The following PLCL1 variants were observed in gnomAD, a reference collection of about 807,000 sequenced individuals.
The protein encoded by PLCL1 is inactive phospholipase C-like protein 1.
A neutral mutation model predicts 84.4 loss-of-function variants in PLCL1; 41 were observed. That is an observed-to-expected ratio of 0.49 (90% CI 0.38 to 0.63). The LOEUF (loss-of-function observed/expected upper bound fraction) is 0.63, where lower values mean the gene tolerates loss of function less well. PLCL1 is among the 30% of genes least tolerant of loss of function. The pLI is 0.00. For synonymous variants in PLCL1, 490 were observed against 488.3 expected, an observed-to-expected ratio of 1.00 and a Z score of -0.05; for missense variants, 1,206 against 1,367.8, an observed-to-expected ratio of 0.88 and a Z score of 1.87.
At chr2:197,848,911 A>G (rs1486507790) in intron 1 of PLCL1, among the ~76,000 whole-genome samples, 1 of 152,132 alleles carries the variant, frequency 6.6e-6, no homozygotes, top group Non-Finnish European at 1.5e-5. Context: ...CTTTAACTAG[A>G]GGGAATGGAC....
At chr2:197,828,252 G>A (rs1221109497) in intron 1 of PLCL1, among the ~76,000 whole-genome samples, 1 of 152,020 alleles carries the variant, frequency 6.6e-6, no homozygotes, top group African/African-American at 2.4e-5. Context: ...TGGTTCACGG[G>A]ATAACTGTTG....
intron 1 of PLCL1, among the ~76,000 whole-genome samples, chr2:197,988,536 T>C (rs748209415): frequency 6.6e-6 from 1 of 152,212 alleles, no homozygotes; most frequent in Non-Finnish European, 1.5e-5. Context: ...TCCAAGTTGC[T>C]GCAAAAGATG....
intron 1 of PLCL1, among the ~76,000 whole-genome samples, chr2:198,007,048 T>C (rs1690745009): frequency 1.3e-5 from 2 of 152,144 alleles, no homozygotes; most frequent in East Asian, 1.9e-4. Flanking sequence ...AGAAACAGAT[T>C]CATGAAAATA....
intron 1 of PLCL1, among the ~76,000 whole-genome samples, chr2:197,957,264 G>A (rs58224025): frequency 0.72 from 109,314 of 151,900 alleles, 40,251 homozygotes; most frequent in African/African-American, 0.87. Context: ...TTTCTTGTGT[G>A]TAAGTTCTTT....
intron 1 of PLCL1, among the ~76,000 whole-genome samples, chr2:197,813,627 T>A (rs893730909): frequency 2.0e-5 from 3 of 152,128 alleles, no homozygotes; most frequent in Non-Finnish European, 4.4e-5. Flanking sequence ...TAATAGCAAA[T>A]ACTAATATAA....
chr2:197,929,023 T>G (rs1346186530), intron 1 of PLCL1, among the ~76,000 whole-genome samples: 1 of 152,214 alleles, frequency 6.6e-6, no homozygotes, highest in Admixed American at 6.6e-5. Context: ...CATTTTAGCA[T>G]TGGCATGTGT....
chr2:197,830,664 A>G lies in PLCL1; in HGVS notation c.240+25325A>G, dbSNP rs185997407. On this transcript the variant is annotated intron_variant, in intron 1 of 5. Coordinates refer to ENST00000428675, the MANE Select transcript of PLCL1 (RefSeq NM_006226.4). ...AGGCCAACATTCAAATTCATGAAAT[A>G]CAGAGAATACCACAAAGATACACCT... 2.6e-5 allele frequency among the ~76,000 whole-genome samples: 4 copies of G among 152,282 alleles called. No individual in the cohort carries two copies. The East Asian group carries it at 7.7e-4, about 29-fold the overall frequency.
At chr2:198,012,425 C>A (rs768440225) in intron 1 of PLCL1, among the ~76,000 whole-genome samples, 22 of 152,212 alleles carry the variant, frequency 1.4e-4, no homozygotes, top group Non-Finnish European at 2.6e-4. Flanking sequence ...TCAAGGCCAT[C>A]TTGGAATTCG....
At chr2:198,042,933 A>C (rs1313026690) in intron 1 of PLCL1, among the ~76,000 whole-genome samples, 1 of 152,192 alleles carries the variant, frequency 6.6e-6, no homozygotes, top group Admixed American at 6.5e-5. Flanking sequence ...AATGATCTAG[A>C]GAGATCAAGA....
intron 1 of PLCL1, among the ~76,000 whole-genome samples, chr2:197,941,000 T>C (rs1455829362): frequency 6.6e-6 from 1 of 152,138 alleles, no homozygotes; most frequent in East Asian, 1.9e-4. Context: ...TACTTGCTGA[T>C]ATGCTTTTTA....
At chr2:198,125,435 A>G (rs762903113) in intron 5 of PLCL1, among the ~76,000 whole-genome samples, 1 of 152,166 alleles carries the variant, frequency 6.6e-6, no homozygotes, top group Non-Finnish European at 1.5e-5. Flanking sequence ...TGGTTTACAG[A>G]TATGAGGAGT....
Position 197,850,043 on chromosome 2 carries a change from C to G in PLCL1, c.240+44704C>G, listed in dbSNP as rs865845573. ...ACAGACACACACAGACACACACACA[C>G]ACACACACACACACACACACACACA... On this transcript the variant is annotated intron_variant, in intron 1 of 5. Coordinates refer to ENST00000428675, the MANE Select transcript of PLCL1 (RefSeq NM_006226.4). Among the ~76,000 whole-genome samples, 413 of 132,420 alleles carry G rather than the reference C, an allele frequency of 3.1e-3. 3 individuals carry two copies. Among genetic ancestry groups the G allele is most frequent in the Non-Finnish European group, 7.4e-4 (48 of 65,118 alleles). 86.9% of individuals were successfully genotyped at this position (132,420 alleles called of 152,430 possible). A position where few individuals can be genotyped will look rare whatever the true frequency, so the allele number is the denominator to read the frequency against.
At chr2:197,863,736 G>A (rs898724124) in intron 1 of PLCL1, among the ~76,000 whole-genome samples, 1 of 152,108 alleles carries the variant, frequency 6.6e-6, no homozygotes, top group Non-Finnish European at 1.5e-5. Context: ...ATTACATTGT[G>A]AGACCAGGCA....
intron 1 of PLCL1, among the ~76,000 whole-genome samples, chr2:197,818,105 G>T (rs1690729345): frequency 6.6e-6 from 1 of 151,994 alleles, no homozygotes; most frequent in South Asian, 2.1e-4. Flanking sequence ...CCCAGCTCTA[G>T]GAAAGTCCAG....
intron 1 of PLCL1, among the ~76,000 whole-genome samples, chr2:197,906,704 T>C (rs1688388714): frequency 6.6e-6 from 1 of 152,214 alleles, no homozygotes; most frequent in African/African-American, 2.4e-5. Flanking sequence ...GCATGGAATG[T>C]TTTTCCATTT....
intron 1 of PLCL1, among the ~76,000 whole-genome samples, chr2:197,995,694 G>A (rs1408178926): frequency 6.6e-6 from 1 of 152,106 alleles, no homozygotes. Flanking sequence ...GTGGTACAGT[G>A]GTACTTTTGT....
In PLCL1 at chr2:198,060,452, A is replaced by G. The variant is rs1692167097; in HGVS notation, c.241-23306A>G. Among the ~76,000 whole-genome samples, 4 of 152,316 alleles carry G rather than the reference A, an allele frequency of 2.6e-5. No homozygotes were observed. The South Asian group carries it at 8.3e-4, about 32-fold the overall frequency. Reference sequence around the variant, plus strand: ...CTGAATGTTGTAGTGTTAAACACAAATGTACTGCTTGTTGAATTGGTCTCA... The same window carrying G: ...CTGAATGTTGTAGTGTTAAACACAAGTGTACTGCTTGTTGAATTGGTCTCA... On this transcript the variant is annotated intron_variant, in intron 1 of 5. Transcript: ENST00000428675.
chr2:198,085,860 T>C lies in PLCL1; in HGVS notation c.2343T>C (p.Thr781=), dbSNP rs1692864371. 1 of 1,614,138 alleles carries C rather than the reference T, an allele frequency of 6.2e-7. No individual in the cohort carries two copies. The highest frequency in any genetic ancestry group is 1.1e-5 in the South Asian group (1 of 91,078). Residue 781 remains threonine (T), a synonymous_variant, in exon 2 of 6, where the codon ACT becomes ACC. Transcript: ENST00000428675. The surrounding 1 kb of genome is among the most constrained non-coding windows in gnomAD (Gnocchi z 5.3). ...QNSDNPIFDE[T]FEFQVNLPEL... ...GTGATAATCCTATTTTTGATGAAACTTTTGAGTTCCAAGTAAACCTACCTG... is the reference window on the plus strand; with the variant it reads ...GTGATAATCCTATTTTTGATGAAACCTTTGAGTTCCAAGTAAACCTACCTG...
At chr2:197,971,538 G>A (rs1689864409) in intron 1 of PLCL1, among the ~76,000 whole-genome samples, 1 of 152,208 alleles carries the variant, frequency 6.6e-6, no homozygotes, top group South Asian at 2.1e-4. Context: ...AGCGGCAGGG[G>A]AGGTGACACA....
Sources: gnomAD v4.1 joint callset for allele counts (sites outside exome capture counted in the v4.1 genomes callset) on GRCh38, gnomAD v4.1.1 for gene constraint, Gnocchi (gnomAD v3.1) non-coding constraint, MANE v1.5 for transcripts, NCBI Gene and HGNC (gene_info 2026-07-23, HGNC 2026-07-21) for gene names.